The following AIG1 variants were observed in gnomAD, a reference collection of about 807,000 sequenced individuals.
The protein encoded by AIG1 is androgen-induced gene 1 protein.
AIG1 carries 23 observed loss-of-function variants against 31.4 expected under a neutral mutation model. That is an observed-to-expected ratio of 0.73 (90% confidence interval 0.53 to 1.04). AIG1 has a LOEUF of 1.04. Among genes scored for constraint, AIG1 ranks in the 50% least tolerant of loss-of-function variants. The pLI is 0.00. For missense variants in AIG1, 274 were observed against 295.0 expected (o/e 0.93, Z 0.52); for synonymous variants, 100 against 110.5 (o/e 0.90, Z 0.60).
chr6:143,186,595 T>C (rs987048005), intron 3 of AIG1: 1 of 152,260 alleles, frequency 6.6e-6, no homozygotes, highest in Non-Finnish European at 1.5e-5. Flanking sequence ...AAACATTCCT[T>C]CTGATACCTA....
At chr6:143,149,532 C>CAAAAAAAAAAAAAAA (rs71767812) in intron 2 of AIG1, among the ~76,000 whole-genome samples, 2 of 39,988 alleles carry the variant, frequency 5.0e-5, no homozygotes, top group African/African-American at 9.0e-5. Flanking sequence ...GACTCTGTCT[C>CAAAAAAAAAAAAAAA]AAAAAAAAAA....
chr6:143,140,654 C>T (rs746819581), intron 2 of AIG1, among the ~76,000 whole-genome samples: 16 of 152,112 alleles, frequency 1.1e-4, no homozygotes, highest in Admixed American at 3.9e-4. Context: ...CCAACCTGGA[C>T]GGTTCATTAC....
chr6:143,191,717 A>C (rs1362610991), intron 3 of AIG1, among the ~76,000 whole-genome samples: 2 of 152,308 alleles, frequency 1.3e-5, no homozygotes, highest in Non-Finnish European at 1.5e-5. Context: ...GAAGGGAAAG[A>C]AAGGGAAAGG....
chr6:143,087,569 G>A (rs1249937665), intron 1 of AIG1, among the ~76,000 whole-genome samples: 4 of 152,148 alleles, frequency 2.6e-5, no homozygotes, highest in African/African-American at 4.8e-5. Flanking sequence ...CTGCGACGGC[G>A]GCAAACAACA....
At chr6:143,233,050 C>T (rs116407855) in intron 3 of AIG1, among the ~76,000 whole-genome samples, 1,588 of 152,270 alleles carry the variant, frequency 0.01, 24 homozygotes, top group African/African-American at 0.036. Context: ...AGGCCACCAC[C>T]AGAGGGAGGT....
intron 1 of AIG1, among the ~76,000 whole-genome samples, chr6:143,084,315 A>G (rs1485227843): frequency 1.3e-5 from 2 of 152,072 alleles, no homozygotes; most frequent in African/African-American, 4.8e-5. Flanking sequence ...AGGGGCATGG[A>G]CGAGGGGGTG....
At chr6:143,190,713 C>A in intron 3 of AIG1, 1 of 614,708 alleles carries the variant, frequency 1.6e-6, no homozygotes, top group Non-Finnish European at 2.0e-6. Context: ...GTCTTCTTTG[C>A]TTTCCTATCT....
In AIG1 at chr6:143,333,590, A is replaced by G. The variant is rs1289038381; in HGVS notation, c.679+145A>G. 3 of 787,156 alleles carry G rather than the reference A, an allele frequency of 3.8e-6. No individual in the cohort carries two copies. Among genetic ancestry groups the G allele is most frequent in the South Asian group, 3.1e-5 (1 of 32,198 alleles). 48.8% of individuals were successfully genotyped at this position (787,156 alleles called of 1,614,324 possible). On this transcript the variant is annotated intron_variant, in intron 5 of 5. Transcript: ENST00000357847. The surrounding 1 kb of genome is among the most constrained non-coding windows in gnomAD (Gnocchi z 4.6). ...AAAGAGCTCCATTTTTAAAACTACA[A>G]TATGAATTTAAGAGCTGCTGACAGT... is the stretch of plus-strand genomic sequence containing the variant.
At chr6:143,120,023 G>A (rs751114512) in intron 1 of AIG1, among the ~76,000 whole-genome samples, 3 of 152,144 alleles carry the variant, frequency 2.0e-5, no homozygotes, top group Non-Finnish European at 2.9e-5. Context: ...TCTGCCTCCT[G>A]GGTTCAAGCA....
At chr6:143,187,848 C>A in intron 3 of AIG1, 1 of 1,450,646 alleles carries the variant, frequency 6.9e-7, no homozygotes. Flanking sequence ...ATTTCTCAAG[C>A]GATGTACAGA....
chr6:143,211,962 C>T (rs1239515181), intron 3 of AIG1, among the ~76,000 whole-genome samples: 9 of 151,722 alleles, frequency 5.9e-5, no homozygotes, highest in Admixed American at 5.9e-4. Context: ...CCTACTTGTT[C>T]TGAATGTCCT....
chr6:143,308,784 T>C (rs993812831), intron 4 of AIG1, among the ~76,000 whole-genome samples: 3 of 152,218 alleles, frequency 2.0e-5, no homozygotes, highest in Non-Finnish European at 4.4e-5. Context: ...AAAACATTTA[T>C]GAATGAGTAC....
chr6:143,149,035 GTTTACAGGA>G (rs1268376961), intron 2 of AIG1, among the ~76,000 whole-genome samples: 2 of 152,168 alleles, frequency 1.3e-5, no homozygotes, highest in Non-Finnish European at 2.9e-5. Flanking sequence ...ACTCTATGAT[GTTTACAGGA>G]TGGTAAAATA....
At chr6:143,301,325 G>A (rs538856912) in intron 4 of AIG1, among the ~76,000 whole-genome samples, 1 of 152,290 alleles carries the variant, frequency 6.6e-6, no homozygotes, top group South Asian at 2.1e-4. Flanking sequence ...TAGTATTCAA[G>A]TAGCAAGGAG....
At chr6:143,140,993 G>C (rs888121549) in intron 2 of AIG1, among the ~76,000 whole-genome samples, 3 of 152,154 alleles carry the variant, frequency 2.0e-5, no homozygotes, top group African/African-American at 7.2e-5. Context: ...TGCTTCCCTG[G>C]CTATTATCTA....
chr6:143,190,453 G>C, intron 3 of AIG1: 3 of 985,418 alleles, frequency 3.0e-6, no homozygotes, highest in Non-Finnish European at 3.6e-6. Context: ...GAGAGAAGTA[G>C]GGAGCTTATC....
rs115532434 is a variant in AIG1, at chr6:143,121,783, T to C, written c.142-15052T>C. On this transcript the variant is annotated intron_variant, in intron 1 of 5. Transcript: ENST00000357847. ...ATTTTTAAAACACTTCTCAGGAAAATATTACTTGGATTCACTTAGAAATTT... is the reference window on the plus strand; with the variant it reads ...ATTTTTAAAACACTTCTCAGGAAAACATTACTTGGATTCACTTAGAAATTT... Among the ~76,000 whole-genome samples, 935 of 152,346 alleles carry C rather than the reference T, an allele frequency of 6.1e-3. 6 individuals carry two copies. Among genetic ancestry groups the C allele is most frequent in the African/African-American group, 0.022 (913 of 41,582 alleles).
chr6:143,093,571 T>C (rs1779497896), intron 1 of AIG1, among the ~76,000 whole-genome samples: 1 of 152,252 alleles, frequency 6.6e-6, no homozygotes, highest in Non-Finnish European at 1.5e-5. Flanking sequence ...TAACTTTTCC[T>C]TTGCATTCAC....
intron 1 of AIG1, among the ~76,000 whole-genome samples, chr6:143,076,881 C>T (rs1328287117): frequency 6.6e-6 from 1 of 152,070 alleles, no homozygotes; most frequent in African/African-American, 2.4e-5. Flanking sequence ...CCATGTTAGC[C>T]AGGATGGTCT....
Sources: gnomAD v4.1 joint callset for allele counts (sites outside exome capture counted in the v4.1 genomes callset) on GRCh38, gnomAD v4.1.1 for gene constraint, Gnocchi (gnomAD v3.1) non-coding constraint, MANE v1.5 for transcripts, NCBI Gene and HGNC (gene_info 2026-07-23, HGNC 2026-07-21) for gene names.